Variants in SMARCC1 observed in about 807,000 individuals in gnomAD.
SMARCC1 encodes SWI/SNF related BAF chromatin remodeling complex subunit C1, also known as SWI/SNF complex subunit SMARCC1.
A neutral mutation model predicts 147.4 loss-of-function variants in SMARCC1; 43 were observed. The ratio of observed to expected loss-of-function variants is 0.29; its 90% CI spans 0.23 to 0.38. The LOEUF (loss-of-function observed/expected upper bound fraction) is 0.38. Among genes scored for constraint, SMARCC1 ranks in the 10% least tolerant of loss-of-function variants. The pLI, the probability that SMARCC1 is intolerant of heterozygous loss-of-function variation, is 1.00. For missense variants in SMARCC1, 1,119 were observed against 1,381.1 expected (o/e 0.81, Z 3.01); for synonymous variants, 495 against 484.4 (o/e 1.02, Z -0.29).
At chr3:47,748,031 G>A (rs1451431509) in intron 2 of SMARCC1, among the ~76,000 whole-genome samples, 1 of 151,898 alleles carries the variant, frequency 6.6e-6, no homozygotes, top group Non-Finnish European at 1.5e-5. Flanking sequence ...GGTGGCGGGC[G>A]CATGTAATCC....
intron 21 of SMARCC1, among the ~76,000 whole-genome samples, chr3:47,656,720 G>T (rs1227651737): frequency 3.0e-4 from 45 of 152,142 alleles, no homozygotes; most frequent in Non-Finnish European, 4.4e-5. Flanking sequence ...TTCGAGACCA[G>T]CCAGGAAATA....
At chr3:47,756,672 G>C (rs2034702363) in intron 2 of SMARCC1, among the ~76,000 whole-genome samples, 1 of 151,776 alleles carries the variant, frequency 6.6e-6, no homozygotes, top group Non-Finnish European at 1.5e-5. Flanking sequence ...GTCCACTCTT[G>C]TTTTTGTAAA....
At chr3:47,679,270 T>C (rs1384459381) in intron 15 of SMARCC1, among the ~76,000 whole-genome samples, 1 of 151,576 alleles carries the variant, frequency 6.6e-6, no homozygotes, top group Non-Finnish European at 1.5e-5. Flanking sequence ...GGAGGGTATG[T>C]ACAGTATTGA....
chr3:47,753,392 TA>T (rs2034650470), intron 2 of SMARCC1, among the ~76,000 whole-genome samples: 1 of 151,200 alleles, frequency 6.6e-6, no homozygotes. Context: ...ATGGATTCCT[TA>T]TTTCTTTATT....
intron 26 of SMARCC1, among the ~76,000 whole-genome samples, chr3:47,595,347 A>G (rs1057304687): frequency 6.6e-6 from 1 of 152,128 alleles, no homozygotes; most frequent in Non-Finnish European, 1.5e-5. Flanking sequence ...TAACATGTTG[A>G]AACCCCATCT....
intron 19 of SMARCC1, among the ~76,000 whole-genome samples, chr3:47,665,670 G>C (rs1251193040): frequency 1.3e-5 from 2 of 152,056 alleles, no homozygotes; most frequent in African/African-American, 4.8e-5. Flanking sequence ...TAATAAGAGA[G>C]GCAAATTAAA....
At chr3:47,646,201 C>T (rs977589546) in intron 21 of SMARCC1, among the ~76,000 whole-genome samples, 1 of 152,172 alleles carries the variant, frequency 6.6e-6, no homozygotes, top group African/African-American at 2.4e-5. Context: ...TCTCAAGATG[C>T]TATGTGGAAC....
At chr3:47,610,402 C>A in intron 25 of SMARCC1, 75 bp from the exon 26 acceptor site, 2 of 1,505,400 alleles carry the variant, frequency 1.3e-6, no homozygotes, top group South Asian at 1.2e-5. Flanking sequence ...AGGACAACTA[C>A]ATAATGCCTG....
chr3:47,736,920 A>G (rs1205870565), intron 4 of SMARCC1, among the ~76,000 whole-genome samples: 3 of 152,152 alleles, frequency 2.0e-5, no homozygotes, highest in African/African-American at 4.8e-5. Flanking sequence ...AGTGATCACC[A>G]TAAATTATCA....
intron 21 of SMARCC1, among the ~76,000 whole-genome samples, chr3:47,643,854 G>C (rs1007067501): frequency 2.0e-5 from 3 of 152,052 alleles, no homozygotes; most frequent in African/African-American, 7.2e-5. Context: ...ATAATGAAGA[G>C]AGCGGAACAA....
intron 18 of SMARCC1, among the ~76,000 whole-genome samples, chr3:47,674,523 A>G (rs1394696749): frequency 2.0e-5 from 3 of 152,146 alleles, no homozygotes; most frequent in East Asian, 1.9e-4. Flanking sequence ...TTTGAATGTA[A>G]TATGTTCTTC....
intron 19 of SMARCC1, among the ~76,000 whole-genome samples, chr3:47,668,242 C>T (rs2033449138): frequency 6.6e-6 from 1 of 152,028 alleles, no homozygotes; most frequent in Non-Finnish European, 1.5e-5. Flanking sequence ...AAACTTTAGA[C>T]TTTATAGGCC....
chr3:47,644,101 G>C (rs961882913), intron 21 of SMARCC1, among the ~76,000 whole-genome samples: 4 of 152,156 alleles, frequency 2.6e-5, no homozygotes, highest in African/African-American at 9.7e-5. Context: ...GGGACTGCTT[G>C]AGCCTAGAAG....
At chr3:47,771,483 C>A (rs564467713) in intron 2 of SMARCC1, among the ~76,000 whole-genome samples, 2 of 152,264 alleles carry the variant, frequency 1.3e-5, no homozygotes, top group South Asian at 4.2e-4. Flanking sequence ...CACAGTGGCT[C>A]CCACTTGTAA....
intron 6 of SMARCC1, among the ~76,000 whole-genome samples, chr3:47,724,248 A>G (rs926256354): frequency 6.6e-6 from 1 of 152,238 alleles, no homozygotes; most frequent in African/African-American, 2.4e-5. Context: ...TCAAAATGCA[A>G]AAGCAACCTA....
chr3:47,652,915 AGAGGT>A lies in SMARCC1; in HGVS notation c.2320+8374_2320+8378del, dbSNP rs142860388. 1.5e-3 allele frequency among the ~76,000 whole-genome samples: 224 copies of A among 151,960 alleles called. 3 individuals carry two copies. The East Asian group carries it at 0.04, about 27-fold the overall frequency. On this transcript the variant is annotated intron_variant, in intron 21 of 27. Coordinates refer to ENST00000254480, the MANE Select transcript of SMARCC1 (RefSeq NM_003074.4). ...GGAAATCACTTAAAATATAAATGTA[AGAGGT>A]GTTTTGAGTGTTCATCCAGCTTTAC...
In SMARCC1 at chr3:47,706,836, T is replaced by A. The variant is rs116813588; in HGVS notation, c.919-306A>T. On this transcript the variant is annotated intron_variant, in intron 9 of 27. Transcript: ENST00000254480. ...TTCACATTCTGTTTTGAGGTGAGAA[T>A]TGTATTTCAATAACTACTGGAAAAA... 5.5e-3 allele frequency among the ~76,000 whole-genome samples: 845 copies of A among 152,316 alleles called. 4 individuals carry two copies. Among genetic ancestry groups the A allele is most frequent in the Non-Finnish European group, 9.4e-3 (639 of 68,022 alleles).
At chr3:47,760,314 A>G (rs1057288235) in intron 2 of SMARCC1, among the ~76,000 whole-genome samples, 8 of 152,132 alleles carry the variant, frequency 5.3e-5, no homozygotes, top group African/African-American at 1.9e-4. Flanking sequence ...TGTCTCAAAA[A>G]AATTAAAAAA....
intron 2 of SMARCC1, among the ~76,000 whole-genome samples, chr3:47,766,332 A>G (rs1039665934): frequency 3.0e-4 from 45 of 152,122 alleles, no homozygotes; most frequent in African/African-American, 1.1e-3. Flanking sequence ...TTGGGGGGCC[A>G]AGGCGGAAAG....
Sources: allele counts gnomAD v4.1 joint callset (sites outside exome capture counted in the v4.1 genomes callset), GRCh38; gene constraint gnomAD v4.1.1; transcripts MANE v1.5; gene names NCBI Gene and HGNC (gene_info 2026-07-23, HGNC 2026-07-21).